Variants in CFAP58 observed in about 807,000 individuals in gnomAD.
CFAP58 encodes cilia- and flagella-associated protein 58.
In CFAP58, 88 loss-of-function variants were observed where a neutral mutation model predicts 119.5. The observed-to-expected ratio is 0.74, with a 90% CI of 0.62 to 0.88. CFAP58 has a LOEUF of 0.88. CFAP58 is among the 40% of genes least tolerant of loss of function. The probability of loss-of-function intolerance (pLI) is 0.00; values close to 1 mark genes in which losing one functional copy is unlikely to be tolerated. For synonymous variants in CFAP58, 365 were observed against 366.3 expected, an observed-to-expected ratio of 1.00 and a Z score of 0.04; for missense variants, 990 against 1,021.2, an observed-to-expected ratio of 0.97 and a Z score of 0.42.
At chr10:104,387,934 A>T (rs1054343578) in intron 9 of CFAP58, among the ~76,000 whole-genome samples, 1 of 152,220 alleles carries the variant, frequency 6.6e-6, no homozygotes, top group African/African-American at 2.4e-5. Context: ...AAAGCTCTTC[A>T]GGACAGAGAT....
chr10:104,382,309 G>T (rs1361547668), intron 9 of CFAP58: 1 of 658,432 alleles, frequency 1.5e-6, no homozygotes, highest in African/African-American at 1.8e-5. Context: ...GTCCTCCTTA[G>T]GGAGGGGCCC....
At chr10:104,449,813 A>G (rs776741460) in intron 16 of CFAP58, among the ~76,000 whole-genome samples, 11 of 152,008 alleles carry the variant, frequency 7.2e-5, no homozygotes, top group Non-Finnish European at 1.5e-4. Flanking sequence ...GCCTGTTCGA[A>G]TGTTGTCTAA....
chr10:104,347,131 G>A, the CFAP58 span, among the ~76,000 whole-genome samples: 2 of 151,988 alleles, frequency 1.3e-5, no homozygotes, highest in Non-Finnish European at 2.9e-5. Flanking sequence ...TAAAATTCAA[G>A]GCAGGTAAGA....
At position 104,450,179 on chromosome 10, in the gene CFAP58, C is replaced by A. The variant is rs774441500; in HGVS notation, c.2485C>A (p.Gln829Lys). Residue 829 changes from glutamine to lysine, a missense_variant, in exon 17 of 18, where the codon CAG becomes AAG. By Grantham distance (53) the Gln-to-Lys change is moderately conservative (BLOSUM62 1). Coordinates refer to ENST00000369704, the MANE Select transcript of CFAP58 (RefSeq NM_001008723.2). ...GAATTTAAAGAAGAAATACCTCGCT[C>A]AGAAACGTAAAGAACAACTTCAAAA... ...LQNLKKKYLAQKRKEQLQKNK... is the reference protein window; with the variant it reads ...LQNLKKKYLAKKRKEQLQKNK... The A allele has an allele frequency of 6.2e-7, 1 of 1,613,150 alleles. No homozygotes were observed. Among genetic ancestry groups the A allele is most frequent in the African/African-American group, 1.3e-5 (1 of 74,986 alleles).
chr10:104,392,040 G>A (rs1471559185), intron 9 of CFAP58, among the ~76,000 whole-genome samples, 193 bp from the exon 10 acceptor site: 2 of 152,084 alleles, frequency 1.3e-5, no homozygotes, highest in Non-Finnish European at 2.9e-5. Context: ...CTCTAGTATA[G>A]ATAAAATGTG....
At chr10:104,393,291 T>G (rs2012087418) in intron 10 of CFAP58, 38 bp from the exon 11 acceptor site, 1 of 1,588,556 alleles carries the variant, frequency 6.3e-7, no homozygotes, top group African/African-American at 1.3e-5. Context: ...CGATGATGTC[T>G]AATTCACTTT....
chr10:104,385,228 C>T (rs1360651008), intron 9 of CFAP58, among the ~76,000 whole-genome samples: 2 of 152,068 alleles, frequency 1.3e-5, no homozygotes, highest in Admixed American at 6.6e-5. Context: ...AAATGCAATT[C>T]TTCCAAGAAT....
chr10:104,371,545 G>A (rs746761945), intron 7 of CFAP58, among the ~76,000 whole-genome samples: 2 of 152,116 alleles, frequency 1.3e-5, no homozygotes, highest in African/African-American at 2.4e-5. Context: ...CGTTATAACC[G>A]ACCTGTGAAG....
chr10:104,431,635 G>A (rs2133079668), intron 15 of CFAP58, among the ~76,000 whole-genome samples: 1 of 152,258 alleles, frequency 6.6e-6, no homozygotes, highest in East Asian at 1.9e-4. Context: ...AAAAAATGAA[G>A]TGAATAGATT....
At chr10:104,361,931 C>A in intron 2 of CFAP58, 92 bp from the exon 3 acceptor site, 1 of 1,214,434 alleles carries the variant, frequency 8.2e-7, no homozygotes, top group Non-Finnish European at 1.2e-6. Context: ...TATATAACTA[C>A]ACTGTGGTCA....
At chr10:104,386,103 C>T (rs1409326922) in intron 9 of CFAP58, among the ~76,000 whole-genome samples, 1 of 148,616 alleles carries the variant, frequency 6.7e-6, no homozygotes, top group African/African-American at 2.5e-5. Context: ...ATGGGCTGGG[C>T]ATGGTGGCTC....
At chr10:104,403,911 A>C in intron 14 of CFAP58, 71 bp downstream of exon 14, 1 of 886,754 alleles carries the variant, frequency 1.1e-6, no homozygotes, top group Non-Finnish European at 1.8e-6. Flanking sequence ...TTCTAACCTA[A>C]AGCACAATGA....
intron 1 of CFAP58, among the ~76,000 whole-genome samples, chr10:104,354,210 A>T (rs953496596): frequency 4.6e-5 from 7 of 152,162 alleles, no homozygotes; most frequent in African/African-American, 1.4e-4. Context: ...ATTTTTAGTC[A>T]TGGAGTGATA....
At chr10:104,345,625 A>T in the CFAP58 span, among the ~76,000 whole-genome samples, 1 of 152,136 alleles carries the variant, frequency 6.6e-6, no homozygotes, top group Admixed American at 6.5e-5. Context: ...GTGGGGAGAC[A>T]TAGAAGTGAA....
At chr10:104,401,453 T>C (rs144746626) in intron 13 of CFAP58, among the ~76,000 whole-genome samples, 128 of 152,366 alleles carry the variant, frequency 8.4e-4, no homozygotes, top group African/African-American at 3.0e-3. Context: ...TTTAGCTTAG[T>C]GCGCCTTCTT....
At chr10:104,399,322 C>T (rs200959606) in intron 11 of CFAP58, 38 bp from the exon 12 acceptor site, 854 of 1,607,888 alleles carry the variant, frequency 5.3e-4, no homozygotes, top group South Asian at 9.6e-4. Context: ...TGTGCTGTAA[C>T]GAATTGAAAT....
intron 16 of CFAP58, 27 bp from the exon 17 acceptor site, chr10:104,450,044 T>A: frequency 6.3e-7 from 1 of 1,582,166 alleles, no homozygotes; most frequent in Non-Finnish European, 8.6e-7. Flanking sequence ...GTATCTTTTG[T>A]TAATGCTGCT....
intron 11 of CFAP58, among the ~76,000 whole-genome samples, chr10:104,395,756 C>T (rs1402367152): frequency 2.0e-5 from 3 of 152,176 alleles, no homozygotes; most frequent in Non-Finnish European, 4.4e-5. Context: ...CTCCAAGAGA[C>T]ATTTATCTCA....
intron 11 of CFAP58, among the ~76,000 whole-genome samples, chr10:104,393,877 C>T (rs2012102375): frequency 6.6e-6 from 1 of 152,208 alleles, no homozygotes; most frequent in Non-Finnish European, 1.5e-5. Flanking sequence ...TCCCAAACTC[C>T]TCCCTGGGAT....
Sources: gnomAD v4.1 joint callset for allele counts (sites outside exome capture counted in the v4.1 genomes callset) on GRCh38, gnomAD v4.1.1 for gene constraint, MANE v1.5 for transcripts, NCBI Gene and HGNC (gene_info 2026-07-23, HGNC 2026-07-21) for gene names.